ZMAT3: variants seen among roughly 807,000 people sequenced by gnomAD.
ZMAT3 encodes zinc finger matrin-type 3.
In ZMAT3, 17 loss-of-function variants were observed where a neutral mutation model predicts 32.3. The ratio of observed to expected loss-of-function variants is 0.53; its 90% confidence interval spans 0.36 to 0.79. The LOEUF (loss-of-function observed/expected upper bound fraction) is 0.79, where lower values mean the gene tolerates loss of function less well. ZMAT3 is among the 30% of genes least tolerant of loss of function. ZMAT3 has a pLI of 0.00. For missense variants in ZMAT3, 329 were observed against 359.7 expected (o/e 0.91, Z 0.69); for synonymous variants, 120 against 133.1 (o/e 0.90, Z 0.68).
chr3:179,068,690 T>C (rs2108593660), intron 1 of ZMAT3, among the ~76,000 whole-genome samples: 1 of 152,316 alleles, frequency 6.6e-6, no homozygotes, highest in South Asian at 2.1e-4. Flanking sequence ...AAATAAAATA[T>C]GTTCCTTCTG....
At chr3:179,043,520 A>G (rs1420173070) in intron 2 of ZMAT3, among the ~76,000 whole-genome samples, 1 of 152,240 alleles carries the variant, frequency 6.6e-6, no homozygotes, top group African/African-American at 2.4e-5. Flanking sequence ...GGCTAGCCAT[A>G]TGTAGAAAGC....
At chr3:179,060,985 A>G (rs1721125421) in intron 2 of ZMAT3, among the ~76,000 whole-genome samples, 1 of 152,172 alleles carries the variant, frequency 6.6e-6, no homozygotes, top group African/African-American at 2.4e-5. Context: ...TCAAACATGA[A>G]GGCACAATGC....
chr3:179,053,024 A>T (rs1720650283), intron 2 of ZMAT3, among the ~76,000 whole-genome samples: 1 of 152,062 alleles, frequency 6.6e-6, no homozygotes, highest in South Asian at 2.1e-4. Context: ...GCTACTCAGG[A>T]GGCTAAGGCA....
At chr3:179,026,431 G>A (rs148347295) in intron 5 of ZMAT3, among the ~76,000 whole-genome samples, 1 of 116,508 alleles carries the variant, frequency 8.6e-6, no homozygotes, top group Non-Finnish European at 1.6e-5. Context: ...CTGTCACCCA[G>A]ACTGGAATGC....
intron 2 of ZMAT3, among the ~76,000 whole-genome samples, chr3:179,056,478 G>C (rs1720851452): frequency 6.6e-6 from 1 of 152,148 alleles, no homozygotes; most frequent in Non-Finnish European, 1.5e-5. Context: ...TATCCAAGTA[G>C]AAATAAGCCG....
intron 2 of ZMAT3, among the ~76,000 whole-genome samples, chr3:179,031,411 GA>G (rs575069314): frequency 7.6e-4 from 114 of 150,384 alleles, no homozygotes; most frequent in African/African-American, 2.7e-3. Context: ...AAAAAAAAAA[GA>G]AAAAAACACA....
chr3:179,040,087 A>C (rs1451120661), intron 2 of ZMAT3, among the ~76,000 whole-genome samples: 1 of 152,242 alleles, frequency 6.6e-6, no homozygotes, highest in Non-Finnish European at 1.5e-5. Flanking sequence ...CTATGTGAAA[A>C]GACCAAATCT....
Position 179,051,583 on chromosome 3 carries a change from C to A in ZMAT3, c.270+15900G>T, listed in dbSNP as rs1014536657. Among the ~76,000 whole-genome samples, 5 of 152,056 alleles carry A rather than the reference C, an allele frequency of 3.3e-5. No individual in the cohort carries two copies. The South Asian group carries it at 1.0e-3, about 32-fold the overall frequency. On this transcript the variant is annotated intron_variant, in intron 2 of 5. Transcript: ENST00000311417. ...GTGAAAATGACCACACTGCAAAAAG[C>A]AATCCACAAATTCAATGCAATTCCC...
intron 2 of ZMAT3, among the ~76,000 whole-genome samples, chr3:179,040,282 A>G (rs921934634): frequency 6.6e-6 from 1 of 152,228 alleles, no homozygotes; most frequent in African/African-American, 2.4e-5. Flanking sequence ...TGTAATTGTC[A>G]CATTCACCAC....
At chr3:179,058,755 C>CAAAAAA (rs56006230) in intron 2 of ZMAT3, among the ~76,000 whole-genome samples, 1 of 68,190 alleles carries the variant, frequency 1.5e-5, no homozygotes, top group Non-Finnish European at 3.0e-5. Context: ...GACTCCGTCT[C>CAAAAAA]AAAAAAAAAA....
chr3:179,064,738 A>G (rs1721319234), intron 2 of ZMAT3, among the ~76,000 whole-genome samples: 2 of 152,176 alleles, frequency 1.3e-5, no homozygotes, highest in South Asian at 4.1e-4. Context: ...GCCTGGTCTT[A>G]GCCTTGTCTT....
At chr3:179,044,160 G>T (rs929856650) in intron 2 of ZMAT3, among the ~76,000 whole-genome samples, 1 of 152,198 alleles carries the variant, frequency 6.6e-6, no homozygotes, top group African/African-American at 2.4e-5. Flanking sequence ...GGAAGACAGT[G>T]TGGCAATCCC....
At chr3:179,045,374 A>C (rs570397136) in intron 2 of ZMAT3, among the ~76,000 whole-genome samples, 10 of 152,350 alleles carry the variant, frequency 6.6e-5, no homozygotes, top group African/African-American at 2.2e-4. Flanking sequence ...AAAAAGGTGG[A>C]AACAATGTAA....
At chr3:179,070,151 G>C (rs978409668) in intron 1 of ZMAT3, among the ~76,000 whole-genome samples, 4 of 152,252 alleles carry the variant, frequency 2.6e-5, no homozygotes, top group Admixed American at 2.6e-4. Context: ...AAGGAAATCA[G>C]CAATATAAAC....
At chr3:179,038,939 C>A (rs953566237) in intron 2 of ZMAT3, among the ~76,000 whole-genome samples, 6 of 152,262 alleles carry the variant, frequency 3.9e-5, no homozygotes, top group Admixed American at 2.0e-4. Context: ...GTCCCACGTC[C>A]ACAGAGCCTC....
rs183651521 is a variant in ZMAT3, at chr3:179,052,428, A to G, written c.270+15055T>C. On this transcript the variant is annotated intron_variant, in intron 2 of 5. Transcript: ENST00000311417. ...ATCACTAATTATCAGAGAAATGTAA[A>G]TCGAAACTACAACATGATACCACCT... Among the ~76,000 whole-genome samples the G allele has an allele frequency of 2.1e-3, 314 of 152,382 alleles. 3 individuals carry two copies. The highest frequency in any genetic ancestry group is 7.1e-3 in the African/African-American group (294 of 41,592).
At chr3:179,060,653 T>C (rs1039060812) in intron 2 of ZMAT3, among the ~76,000 whole-genome samples, 16 of 151,948 alleles carry the variant, frequency 1.1e-4, no homozygotes, top group African/African-American at 3.4e-4. Context: ...CAAAAATATA[T>C]ATATTTTTTA....
chr3:179,027,602 A>G (rs1718941941), intron 4 of ZMAT3, 44 bp downstream of exon 4: 3 of 1,613,836 alleles, frequency 1.9e-6, no homozygotes, highest in African/African-American at 1.3e-5. Flanking sequence ...AAGACAGTCA[A>G]TCTCACATAA....
chr3:179,044,552 G>C (rs1015132839), intron 2 of ZMAT3, among the ~76,000 whole-genome samples: 1 of 152,154 alleles, frequency 6.6e-6, no homozygotes, highest in East Asian at 1.9e-4. Flanking sequence ...GCTGAGGCAG[G>C]AGAATGGCAT....
Sources: gnomAD v4.1 joint callset for allele counts (sites outside exome capture counted in the v4.1 genomes callset) on GRCh38, gnomAD v4.1.1 for gene constraint, MANE v1.5 for transcripts, NCBI Gene and HGNC (gene_info 2026-07-23, HGNC 2026-07-21) for gene names.